Variants in RALYL observed in about 807,000 individuals in gnomAD.
RALYL encodes RNA-binding Raly-like protein.
RALYL carries 29 observed loss-of-function variants against 35.1 expected under a neutral mutation model. That is an observed-to-expected ratio of 0.83 (90% CI 0.61 to 1.13). The LOEUF (loss-of-function observed/expected upper bound fraction) is 1.13, where lower values mean the gene tolerates loss of function less well. Among genes scored for constraint, RALYL ranks in the 50% most tolerant of loss-of-function variants. The pLI is 0.00. For missense variants in RALYL, 359 were observed against 360.4 expected, an observed-to-expected ratio of 1.00 and a Z score of 0.03; for synonymous variants, 120 against 127.6, an observed-to-expected ratio of 0.94 and a Z score of 0.40.
intron 4 of RALYL, among the ~76,000 whole-genome samples, chr8:84,844,186 A>G (rs1420008188): frequency 2.0e-5 from 3 of 152,200 alleles, no homozygotes; most frequent in African/African-American, 7.2e-5. Flanking sequence ...CAGGCAACCT[A>G]CAGAATGGGA....
chr8:84,616,499 G>A (rs1819692160), intron 2 of RALYL, among the ~76,000 whole-genome samples: 1 of 148,856 alleles, frequency 6.7e-6, no homozygotes, highest in Non-Finnish European at 1.5e-5. Context: ...TTAGCCCTTT[G>A]TCAGATGAGT....
intron 2 of RALYL, among the ~76,000 whole-genome samples, chr8:84,580,020 A>G (rs1283880175): frequency 6.6e-6 from 1 of 152,216 alleles, no homozygotes; most frequent in Non-Finnish European, 1.5e-5. Context: ...AATTAATGTA[A>G]AATTATTGAG....
intron 1 of RALYL, among the ~76,000 whole-genome samples, chr8:84,433,212 C>T (rs1460332215): frequency 6.6e-6 from 1 of 151,996 alleles, no homozygotes; most frequent in Non-Finnish European, 1.5e-5. Flanking sequence ...CAAATATGTG[C>T]CTTTCTTGAC....
chr8:84,283,508 A>C (rs1237339248), intron 1 of RALYL, among the ~76,000 whole-genome samples: 1 of 152,116 alleles, frequency 6.6e-6, no homozygotes, highest in Non-Finnish European at 1.5e-5. Flanking sequence ...GAGAGGTAGC[A>C]TCCATCTGGG....
chr8:84,780,342 T>C (rs1478023463), intron 3 of RALYL, among the ~76,000 whole-genome samples: 1 of 152,214 alleles, frequency 6.6e-6, no homozygotes, highest in African/African-American at 2.4e-5. Context: ...GCAGTCTCTT[T>C]CTGCTCAGGA....
intron 3 of RALYL, among the ~76,000 whole-genome samples, chr8:84,787,795 T>C (rs912221854): frequency 6.6e-6 from 1 of 152,260 alleles, no homozygotes; most frequent in African/African-American, 2.4e-5. Flanking sequence ...TTGTTTCATA[T>C]GTCTGTTGGC....
chr8:84,258,621 A>G (rs907015327), intron 1 of RALYL, among the ~76,000 whole-genome samples: 1 of 152,164 alleles, frequency 6.6e-6, no homozygotes. Context: ...TCTCATTCTT[A>G]AGATTGTAAT....
intron 2 of RALYL, among the ~76,000 whole-genome samples, chr8:84,570,933 A>C (rs1464130180): frequency 2.6e-5 from 4 of 151,882 alleles, no homozygotes; most frequent in Admixed American, 6.6e-5. Context: ...AATAAAACCC[A>C]CTTGACCATG....
At chr8:84,382,573 T>G (rs1262514154) in intron 1 of RALYL, among the ~76,000 whole-genome samples, 2 of 151,812 alleles carry the variant, frequency 1.3e-5, no homozygotes. Flanking sequence ...TTTTAAATGC[T>G]TATTAGGATA....
chr8:84,853,047 A>G (rs1836215093), intron 5 of RALYL, among the ~76,000 whole-genome samples: 1 of 152,216 alleles, frequency 6.6e-6, no homozygotes. Context: ...TGTTCTGAAG[A>G]TATGGAGATA....
chr8:84,216,927 A>G (rs1476916403), intron 1 of RALYL, among the ~76,000 whole-genome samples: 1 of 152,160 alleles, frequency 6.6e-6, no homozygotes, highest in African/African-American at 2.4e-5. Context: ...CGTGCTAGAT[A>G]GAGGTGGTGT....
At chr8:84,826,764 A>G (rs531290139) in intron 4 of RALYL, among the ~76,000 whole-genome samples, 1 of 151,826 alleles carries the variant, frequency 6.6e-6, no homozygotes, top group Non-Finnish European at 1.5e-5. Context: ...ATACGCCCAA[A>G]CACACCCCCA....
chr8:84,895,845 A>T (rs1218433995), intron 8 of RALYL, among the ~76,000 whole-genome samples: 1 of 152,064 alleles, frequency 6.6e-6, no homozygotes, highest in Non-Finnish European at 1.5e-5. Context: ...ACTTAACTTC[A>T]TGCATTTAAT....
At position 84,840,188 on chromosome 8, in the gene RALYL, T is replaced by A. The variant is rs187512095; in HGVS notation, c.366-9792T>A. Among the ~76,000 whole-genome samples the A allele has an allele frequency of 3.0e-3, 449 of 150,586 alleles. 1 individual carries two copies. Among genetic ancestry groups the A allele is most frequent in the African/African-American group, 0.011 (437 of 40,942 alleles). On this transcript the variant is annotated intron_variant, in intron 4 of 8. Transcript: ENST00000521268. ...CTACTCCGAGCTAAAGGAGGAAGTT[T>A]GAACCCATGGCAAAGAAGTAAAAAA... is the stretch of plus-strand genomic sequence containing the variant.
intron 2 of RALYL, among the ~76,000 whole-genome samples, chr8:84,666,694 CT>C (rs1366191645): frequency 2.6e-5 from 4 of 152,038 alleles, no homozygotes; most frequent in African/African-American, 9.7e-5. Context: ...TAAAGAGCAC[CT>C]TTATCTGAGA....
chr8:84,475,182 T>C (rs1007734433), intron 1 of RALYL, among the ~76,000 whole-genome samples: 7 of 152,168 alleles, frequency 4.6e-5, no homozygotes, highest in South Asian at 4.1e-4. Context: ...GTCCTTGTGA[T>C]AGTTTGCTCA....
intron 1 of RALYL, among the ~76,000 whole-genome samples, chr8:84,341,022 A>T (rs1013344887): frequency 6.6e-6 from 1 of 151,880 alleles, no homozygotes; most frequent in African/African-American, 2.4e-5. Flanking sequence ...GTGTGAGATG[A>T]TATCTCATTG....
chr8:84,775,859 C>G (rs1022515087), intron 3 of RALYL, among the ~76,000 whole-genome samples: 1 of 152,170 alleles, frequency 6.6e-6, no homozygotes, highest in African/African-American at 2.4e-5. Context: ...ACTTCATGTG[C>G]TTTTGCCATT....
chr8:84,231,158 A>G (rs1252749412), intron 1 of RALYL, among the ~76,000 whole-genome samples: 2 of 152,184 alleles, frequency 1.3e-5, no homozygotes, highest in African/African-American at 2.4e-5. Context: ...CTTTCTACTT[A>G]CAAATTCCAA....
Sources: allele counts gnomAD v4.1 joint callset (sites outside exome capture counted in the v4.1 genomes callset), GRCh38; gene constraint gnomAD v4.1.1; transcripts MANE v1.5; gene names NCBI Gene and HGNC (gene_info 2026-07-23, HGNC 2026-07-21).